C2CD5: variants seen among roughly 807,000 people sequenced by gnomAD.
C2CD5 encodes C2 domain-containing protein 5.
C2CD5 carries 109 observed loss-of-function variants against 130.3 expected under a neutral mutation model. The observed-to-expected ratio is 0.84, with a 90% CI of 0.72 to 0.98. The LOEUF (loss-of-function observed/expected upper bound fraction) is 0.98, where lower values mean the gene tolerates loss of function less well. C2CD5 is among the 50% of genes least tolerant of loss of function. The pLI, the probability that C2CD5 is intolerant of heterozygous loss-of-function variation, is 0.00. For synonymous variants in C2CD5, 454 were observed against 429.2 expected (o/e 1.06, Z -0.71); for missense variants, 996 against 1,261.8 (o/e 0.79, Z 3.19).
chr12:22,504,689 G>A (rs1001163915), intron 10 of C2CD5, among the ~76,000 whole-genome samples: 1 of 152,120 alleles, frequency 6.6e-6, no homozygotes, highest in Non-Finnish European at 1.5e-5. Context: ...AGATCAGTGG[G>A]TGCCATCTAT....
intron 12 of C2CD5, among the ~76,000 whole-genome samples, chr12:22,487,718 T>C (rs1291134173): frequency 1.3e-5 from 2 of 151,944 alleles, no homozygotes; most frequent in African/African-American, 4.8e-5. Context: ...ACCCAAAGGA[T>C]TATAAATCAT....
At position 22,482,296 on chromosome 12, in the gene C2CD5, G is replaced by T. The variant is rs117702618; in HGVS notation, c.1737+261C>A. Among the ~76,000 whole-genome samples, 4 of 152,194 alleles carry T rather than the reference G, an allele frequency of 2.6e-5. No homozygotes were observed. In the East Asian group the frequency reaches 7.7e-4, roughly 29 times the overall value. On this transcript the variant is annotated intron_variant, in intron 14 of 26. Coordinates refer to ENST00000446597, the MANE Select transcript of C2CD5 (RefSeq NM_001286176.2). ...AATATGTAAACAATAATAAAGTCCA[G>T]AAAAACTGTGGCCAACTTATTAAGC...
intron 8 of C2CD5, 73 bp downstream of exon 8, chr12:22,517,913 G>T: frequency 2.4e-6 from 3 of 1,263,388 alleles, no homozygotes; most frequent in Non-Finnish European, 3.3e-6. Flanking sequence ...GAAAGATTTG[G>T]ATGGAAAGCT....
At chr12:22,514,909 T>C in intron 8 of C2CD5, 1 of 869,426 alleles carries the variant, frequency 1.2e-6, no homozygotes, top group Non-Finnish European at 1.4e-6. Flanking sequence ...AATAATTTTT[T>C]ACAGCATGAA....
chr12:22,450,041 G>C, intron 26 of C2CD5, 150 bp from the exon 27 acceptor site: 1 of 553,646 alleles, frequency 1.8e-6, no homozygotes, highest in Non-Finnish European at 3.0e-6. Context: ...ATGAGAAAAG[G>C]GTAAGAGGGC....
chr12:22,495,840 T>C (rs937785902), intron 10 of C2CD5, among the ~76,000 whole-genome samples: 3 of 152,066 alleles, frequency 2.0e-5, no homozygotes, highest in African/African-American at 7.2e-5. Context: ...GCAAAGCAGA[T>C]TCAGCATACA....
intron 9 of C2CD5, among the ~76,000 whole-genome samples, chr12:22,511,809 A>T (rs188077410): frequency 6.6e-6 from 1 of 152,320 alleles, no homozygotes; most frequent in East Asian, 1.9e-4. Flanking sequence ...TCGAATTTCA[A>T]GGGAACCCAC....
chr12:22,457,739 T>G (rs1231090784), intron 24 of C2CD5, among the ~76,000 whole-genome samples: 5 of 151,788 alleles, frequency 3.3e-5, no homozygotes, highest in Non-Finnish European at 7.4e-5. Flanking sequence ...ATAACTGCCA[T>G]AAGCCAGACA....
chr12:22,471,494 C>A lies in C2CD5; in HGVS notation c.2269-6G>T. Reference sequence around the variant, plus strand: ...CGTAGTTTAAAGTACAGGCTCTACACAATAGAAAATATTAGTAATGTCACT... The same window carrying A: ...CGTAGTTTAAAGTACAGGCTCTACAAAATAGAAAATATTAGTAATGTCACT... On this transcript the variant is annotated splice_polypyrimidine_tract_variant and splice_region_variant and intron_variant, in intron 19 of 26. Transcript: ENST00000446597. 4 of 1,508,204 alleles carry A rather than the reference C, an allele frequency of 2.7e-6. 1 individual carries two copies. Among genetic ancestry groups the A allele is most frequent in the South Asian group, 2.6e-5 (2 of 77,810 alleles). 93.4% of individuals were successfully genotyped at this position (1,508,204 alleles called of 1,614,324 possible).
intron 7 of C2CD5, chr12:22,518,923 C>A: frequency 2.4e-6 from 1 of 424,578 alleles, no homozygotes; most frequent in Non-Finnish European, 4.1e-6. Flanking sequence ...GGAAGAATAC[C>A]TTCACTTCCA....
intron 13 of C2CD5, 118 bp downstream of exon 13, chr12:22,484,579 T>C: frequency 2.1e-6 from 1 of 466,188 alleles, no homozygotes; most frequent in Non-Finnish European, 3.8e-6. Context: ...AGCAGAATTG[T>C]CCAGTTTGTG....
At chr12:22,496,572 A>G (rs1159288868) in intron 10 of C2CD5, among the ~76,000 whole-genome samples, 1 of 151,732 alleles carries the variant, frequency 6.6e-6, no homozygotes, top group Non-Finnish European at 1.5e-5. Flanking sequence ...TCTTCACCTT[A>G]AACACATTTC....
Position 22,486,342 on chromosome 12 carries a change from G to A in C2CD5, c.1359-1454C>T, listed in dbSNP as rs182559699. ...CTGATCTGCACTCTAGTTTGTTCAG[G>A]AAAGTCTAGAGGTGAAGCTTTAATC... is the stretch of plus-strand genomic sequence containing the variant. On this transcript the variant is annotated intron_variant, in intron 12 of 26. Coordinates refer to ENST00000446597, the MANE Select transcript of C2CD5 (RefSeq NM_001286176.2). Among the ~76,000 whole-genome samples, 22 of 152,274 alleles carry A rather than the reference G, an allele frequency of 1.4e-4. 1 individual carries two copies. The highest frequency in any genetic ancestry group is 2.1e-4 in the South Asian group (1 of 4,824).
At chr12:22,485,912 A>AG (rs773547134) in intron 12 of C2CD5, among the ~76,000 whole-genome samples, 2 of 114,298 alleles carry the variant, frequency 1.7e-5, no homozygotes, top group South Asian at 6.2e-4. Flanking sequence ...ACATTCTCCA[A>AG]ATTTTTTTTT....
At chr12:22,540,895 T>C (rs1952308581) in intron 2 of C2CD5, among the ~76,000 whole-genome samples, 1 of 152,118 alleles carries the variant, frequency 6.6e-6, no homozygotes, top group South Asian at 2.1e-4. Context: ...AACAAATACT[T>C]CTATTTGTTA....
intron 26 of C2CD5, among the ~76,000 whole-genome samples, chr12:22,452,790 G>A (rs1938983514): frequency 6.6e-6 from 1 of 152,188 alleles, no homozygotes; most frequent in Non-Finnish European, 1.5e-5. Context: ...AAACCAGTCA[G>A]GTGTGGTGGC....
intron 9 of C2CD5, chr12:22,512,730 C>G: frequency 9.1e-6 from 12 of 1,325,132 alleles, no homozygotes; most frequent in Non-Finnish European, 1.2e-5. Flanking sequence ...GAGAAATCAT[C>G]CAAAAACTGT....
intron 23 of C2CD5, 101 bp from the exon 24 acceptor site, chr12:22,458,686 G>GT (rs1178991713): frequency 7.0e-6 from 3 of 426,132 alleles, no homozygotes; most frequent in African/African-American, 6.1e-5. Flanking sequence ...TAATTTAACT[G>GT]TAACTCAGAA....
intron 3 of C2CD5, among the ~76,000 whole-genome samples, chr12:22,531,766 C>T (rs1221149046): frequency 6.6e-6 from 1 of 152,166 alleles, no homozygotes; most frequent in African/African-American, 2.4e-5. Flanking sequence ...TTTTGAGAAA[C>T]ACAGTTATAT....
Sources: gnomAD v4.1 joint callset for allele counts (sites outside exome capture counted in the v4.1 genomes callset) on GRCh38, gnomAD v4.1.1 for gene constraint, MANE v1.5 for transcripts, NCBI Gene and HGNC (gene_info 2026-07-23, HGNC 2026-07-21) for gene names.